CCDC141: variants seen among roughly 807,000 people sequenced by gnomAD.
The protein encoded by CCDC141 is coiled-coil domain-containing protein 141.
CCDC141 carries 168 observed loss-of-function variants against 181.0 expected under a neutral mutation model. The ratio of observed to expected loss-of-function variants is 0.93; its 90% CI spans 0.82 to 1.05. CCDC141 has a LOEUF of 1.05. Among genes scored for constraint, CCDC141 ranks in the 50% least tolerant of loss-of-function variants. CCDC141 has a pLI of 0.00. For synonymous variants in CCDC141, 666 were observed against 642.3 expected, an observed-to-expected ratio of 1.04 and a Z score of -0.56; for missense variants, 1,902 against 1,788.5, an observed-to-expected ratio of 1.06 and a Z score of -1.14.
intron 2 of CCDC141, among the ~76,000 whole-genome samples, chr2:178,978,900 T>C (rs1446041498): frequency 6.6e-6 from 1 of 152,164 alleles, no homozygotes; most frequent in African/African-American, 2.4e-5. Flanking sequence ...CATTTAAACA[T>C]TGTCCAAACA....
intron 1 of CCDC141, among the ~76,000 whole-genome samples, chr2:179,047,913 TG>T (rs2043552788): frequency 6.6e-6 from 1 of 152,212 alleles, no homozygotes; most frequent in Non-Finnish European, 1.5e-5. Context: ...AAATATCAGA[TG>T]AAGAAATTGA....
rs117164122 is a variant in CCDC141, at chr2:179,011,912, C to T, written c.226-33237G>A. ...AAATCCAGATGGAAATTTAAAAATTCTTCAAACTGGATGACAATAATGACA... is the reference window on the plus strand; with the variant it reads ...AAATCCAGATGGAAATTTAAAAATTTTTCAAACTGGATGACAATAATGACA... On this transcript the variant is annotated intron_variant, in intron 2 of 23. Coordinates refer to ENST00000443758, the MANE Select transcript of CCDC141 (RefSeq NM_173648.4). Among the ~76,000 whole-genome samples the T allele has an allele frequency of 9.5e-3, 1,439 of 152,178 alleles. 46 individuals are homozygous for T. Among genetic ancestry groups the T allele is most frequent in the South Asian group, 0.092 (440 of 4,786 alleles).
At chr2:178,858,541 T>A (rs1325061105) in intron 17 of CCDC141, among the ~76,000 whole-genome samples, 1 of 152,078 alleles carries the variant, frequency 6.6e-6, no homozygotes, top group Non-Finnish European at 1.5e-5. Context: ...GATAAAAAAG[T>A]TCTGCAGATG....
In CCDC141 at chr2:178,876,179, G is replaced by A. The variant is rs76498838; in HGVS notation, c.1899+1785C>T. On this transcript the variant is annotated intron_variant, in intron 12 of 23. Coordinates refer to ENST00000443758, the MANE Select transcript of CCDC141 (RefSeq NM_173648.4). Reference sequence around the variant, plus strand: ...AGCTCCAAGTAGATGAGGGTAGTTAGAACCTAACTCTTCCAAATGAATTCA... The same window carrying A: ...AGCTCCAAGTAGATGAGGGTAGTTAAAACCTAACTCTTCCAAATGAATTCA... 3.4e-3 allele frequency: 525 copies of A among 152,214 alleles called. 5 individuals are homozygous for A. The highest frequency in any genetic ancestry group is 0.012 in the African/African-American group (492 of 41,542). The allele number at this position is 152,214 out of a possible 1,614,324, so 9.4% of individuals were successfully genotyped here.
At chr2:178,982,099 AAT>A (rs927927838) in intron 2 of CCDC141, among the ~76,000 whole-genome samples, 35 of 152,238 alleles carry the variant, frequency 2.3e-4, no homozygotes, top group Non-Finnish European at 3.2e-4. Context: ...CACAAGAAAA[AAT>A]AGGTAATCTG....
At chr2:178,974,672 C>G (rs969436401) in intron 4 of CCDC141, among the ~76,000 whole-genome samples, 1 of 152,108 alleles carries the variant, frequency 6.6e-6, no homozygotes, top group Non-Finnish European at 1.5e-5. Flanking sequence ...CATTTATTGA[C>G]CCTTAGAAGG....
intron 2 of CCDC141, among the ~76,000 whole-genome samples, chr2:178,991,111 C>G (rs1326179321): frequency 1.3e-5 from 2 of 152,130 alleles, no homozygotes; most frequent in Non-Finnish European, 2.9e-5. Context: ...GTTTTGCCCA[C>G]GACTGTCACT....
At chr2:178,914,142 G>A (rs1290900651) in intron 7 of CCDC141, among the ~76,000 whole-genome samples, 1 of 152,132 alleles carries the variant, frequency 6.6e-6, no homozygotes, top group Admixed American at 6.5e-5. Context: ...ATATTTTGGA[G>A]GATCGAGATG....
intron 22 of CCDC141, among the ~76,000 whole-genome samples, chr2:178,841,718 CACT>C (rs769875990): frequency 2.6e-5 from 4 of 152,204 alleles, no homozygotes; most frequent in Non-Finnish European, 5.9e-5. Flanking sequence ...AATCTCGGCT[CACT>C]ACAACCTGCA....
chr2:178,989,789 ATGAGAT>A (rs1691955156), intron 2 of CCDC141, among the ~76,000 whole-genome samples: 3 of 147,614 alleles, frequency 2.0e-5, no homozygotes, highest in Admixed American at 2.0e-4. Flanking sequence ...CAAAAGTACA[ATGAGAT>A]GTCACTTCAC....
intron 2 of CCDC141, among the ~76,000 whole-genome samples, chr2:179,012,272 T>C (rs1023631866): frequency 5.9e-5 from 9 of 152,028 alleles, no homozygotes; most frequent in African/African-American, 2.2e-4. Context: ...ATCACCTCAC[T>C]AAGAAACAAA....
rs376780081 is a variant in CCDC141 at position 178,854,510 on chromosome 2, C to A, written c.3060+837G>T. On this transcript the variant is annotated intron_variant, in intron 19 of 23. Coordinates refer to ENST00000443758, the MANE Select transcript of CCDC141 (RefSeq NM_173648.4). ...CTGCACTCCAGCCTGGGAAACAGAGCGACACTCCATCTCAAAAATAAATAA... is the reference window on the plus strand; with the variant it reads ...CTGCACTCCAGCCTGGGAAACAGAGAGACACTCCATCTCAAAAATAAATAA... 1.4e-4 allele frequency among the ~76,000 whole-genome samples: 22 copies of A among 152,134 alleles called. No homozygotes were observed. The East Asian group carries it at 3.7e-3, about 25-fold the overall frequency.
intron 2 of CCDC141, among the ~76,000 whole-genome samples, chr2:179,029,432 A>G (rs990055094): frequency 6.6e-6 from 1 of 152,242 alleles, no homozygotes; most frequent in Admixed American, 6.5e-5. Context: ...GTTAATTTAA[A>G]GATTAAATAT....
intron 8 of CCDC141, among the ~76,000 whole-genome samples, chr2:178,893,936 A>C (rs1451441571): frequency 1.3e-5 from 2 of 152,128 alleles, no homozygotes; most frequent in African/African-American, 4.8e-5. Context: ...GTTCAGATGC[A>C]TGTAGAGATG....
intron 15 of CCDC141, among the ~76,000 whole-genome samples, chr2:178,868,643 C>T (rs1379913480): frequency 1.5e-5 from 2 of 137,170 alleles, no homozygotes; most frequent in Admixed American, 7.5e-5. Context: ...ACTTGGTTTT[C>T]GCCCTCAAAG....
chr2:178,905,012 T>C (rs1010624166), intron 8 of CCDC141, among the ~76,000 whole-genome samples: 3 of 152,196 alleles, frequency 2.0e-5, no homozygotes, highest in Non-Finnish European at 4.4e-5. Context: ...TCCATAAAGA[T>C]GCTAGGGTTT....
At position 178,837,054 on chromosome 2, in the gene CCDC141, G is replaced by C. The variant is rs749439131; in HGVS notation, c.4165C>G (p.Arg1389Gly). The C allele has an allele frequency of 6.2e-6, 10 of 1,613,850 alleles. No homozygotes were observed. In the African/African-American group the frequency reaches 1.2e-4, roughly 19 times the overall value. ...SRGYQRQMVPREEIKSTSAKS... is the reference protein window; with the variant it reads ...SRGYQRQMVPGEEIKSTSAKS... ...GCTGATGTGCTTTTAATCTCTTCTC[G>C]AGGAACCATTTGCCTCTGATAGCCC... Residue 1389 changes from arginine to glycine, a missense_variant, in exon 23 of 24, where the codon CGA becomes GGA. Physicochemically the swap from Arg to Gly is moderately radical, Grantham distance 125. Transcript: ENST00000443758.
intron 2 of CCDC141, among the ~76,000 whole-genome samples, chr2:179,016,701 C>G (rs572578691): frequency 1.3e-5 from 2 of 149,690 alleles, no homozygotes; most frequent in South Asian, 4.2e-4. Flanking sequence ...CAAGAATAAA[C>G]TTCTTTCTTT....
chr2:179,015,600 C>CAT (rs1559050209), intron 2 of CCDC141, among the ~76,000 whole-genome samples: 55 of 55,424 alleles, frequency 9.9e-4, no homozygotes, highest in Non-Finnish European at 2.1e-3. Flanking sequence ...ATATGTATCT[C>CAT]ATATATCTCA....
Sources: allele counts gnomAD v4.1 joint callset (sites outside exome capture counted in the v4.1 genomes callset), GRCh38; gene constraint gnomAD v4.1.1; transcripts MANE v1.5; gene names NCBI Gene and HGNC (gene_info 2026-07-23, HGNC 2026-07-21).